The following LPA variants were observed in gnomAD, a reference collection of about 807,000 sequenced individuals.
LPA encodes lipoprotein(a).
A neutral mutation model predicts 197.9 loss-of-function variants in LPA; 199 were observed. That is an observed-to-expected ratio of 1.01 (90% CI 0.90 to 1.13). The LOEUF (loss-of-function observed/expected upper bound fraction) is 1.13. Ranked by LOEUF, LPA falls within the 50% of genes most tolerant of loss-of-function variation. LPA has a pLI of 0.00. For synonymous variants in LPA, 715 were observed against 639.5 expected, an observed-to-expected ratio of 1.12 and a Z score of -1.78; for missense variants, 1,853 against 1,785.8, an observed-to-expected ratio of 1.04 and a Z score of -0.68.
rs546776882 is a variant in LPA at position 160,606,987 on chromosome 6, G to A, written c.2604-329C>T. On this transcript the variant is annotated intron_variant, in intron 16 of 38. Coordinates refer to ENST00000316300, the MANE Select transcript of LPA (RefSeq NM_005577.4). Reference sequence around the variant, plus strand: ...CCAATCCATCTCTCTGGAATAACTGGTATGGATTTTGATGTGTGTATTGTG... The same window carrying A: ...CCAATCCATCTCTCTGGAATAACTGATATGGATTTTGATGTGTGTATTGTG... 1.1e-4 allele frequency among the ~76,000 whole-genome samples: 17 copies of A among 152,136 alleles called. No individual in the cohort carries two copies. In the South Asian group the frequency reaches 1.7e-3, roughly 15 times the overall value.
Position 160,563,887 on chromosome 6 carries a change from G to A in LPA, c.4632-6316C>T, listed in dbSNP as rs367874602. Among the ~76,000 whole-genome samples the A allele has an allele frequency of 2.3e-3, 357 of 152,068 alleles. 1 individual carries two copies. The highest frequency in any genetic ancestry group is 8.0e-3 in the African/African-American group (330 of 41,480). ...TTCATCAAAGACTAAGATTGCAACCGCTGCTTTTTTTTTCTTTCCATTTGC... is the reference window on the plus strand; with the variant it reads ...TTCATCAAAGACTAAGATTGCAACCACTGCTTTTTTTTTCTTTCCATTTGC... On this transcript the variant is annotated intron_variant, in intron 28 of 38. Coordinates refer to ENST00000316300, the MANE Select transcript of LPA (RefSeq NM_005577.4).
chr6:160,655,291 A>G (rs905291786), intron 1 of LPA, among the ~76,000 whole-genome samples: 2 of 152,184 alleles, frequency 1.3e-5, no homozygotes, highest in Non-Finnish European at 1.5e-5. Flanking sequence ...CCAAAATCCT[A>G]GAGGTCTCCA....
At chr6:160,595,865 T>G (rs1779122894) in intron 20 of LPA, among the ~76,000 whole-genome samples, 1 of 152,246 alleles carries the variant, frequency 6.6e-6, no homozygotes, top group Non-Finnish European at 1.5e-5. Flanking sequence ...CTCTGTACAT[T>G]GTACAATGTT....
intron 28 of LPA, among the ~76,000 whole-genome samples, chr6:160,557,907 A>C (rs1015850154): frequency 6.6e-6 from 1 of 152,036 alleles, no homozygotes; most frequent in Non-Finnish European, 1.5e-5. Flanking sequence ...ATAGATTTTG[A>C]AGAGTGCATT....
At chr6:160,585,457 G>T (rs977300429) in intron 25 of LPA, among the ~76,000 whole-genome samples, 5 of 152,134 alleles carry the variant, frequency 3.3e-5, no homozygotes, top group Non-Finnish European at 7.4e-5. Context: ...ACAGATCAGA[G>T]TGCCTATACT....
intron 1 of LPA, among the ~76,000 whole-genome samples, chr6:160,659,075 C>A (rs1780178504): frequency 6.6e-6 from 1 of 152,084 alleles, no homozygotes; most frequent in Non-Finnish European, 1.5e-5. Context: ...GTCCAAGTCC[C>A]ACAGCTGAAG....
At chr6:160,558,194 C>T (rs939166544) in intron 28 of LPA, among the ~76,000 whole-genome samples, 5 of 152,170 alleles carry the variant, frequency 3.3e-5, no homozygotes, top group Non-Finnish European at 7.3e-5. Flanking sequence ...GCTGGGATTA[C>T]AGGTGTGAGC....
At chr6:160,579,661 A>G (rs1344658084) in intron 26 of LPA, among the ~76,000 whole-genome samples, 1 of 152,062 alleles carries the variant, frequency 6.6e-6, no homozygotes, top group African/African-American at 2.4e-5. Context: ...CGTTGCTCCA[A>G]CCTCTCAGAA....
At chr6:160,551,164 G>A (rs1007467308) in intron 30 of LPA, among the ~76,000 whole-genome samples, 2 of 152,204 alleles carry the variant, frequency 1.3e-5, no homozygotes, top group Admixed American at 6.5e-5. Context: ...ACCAGCATAT[G>A]AGAGAGTTTC....
chr6:160,651,920 G>A (rs776530012), intron 1 of LPA, among the ~76,000 whole-genome samples: 7 of 151,420 alleles, frequency 4.6e-5, no homozygotes, highest in African/African-American at 1.2e-4. Flanking sequence ...GCACTGAGGA[G>A]TCAATTAGAC....
intron 19 of LPA, among the ~76,000 whole-genome samples, chr6:160,600,522 G>A (rs987320745): frequency 1.3e-5 from 2 of 152,222 alleles, no homozygotes; most frequent in Admixed American, 6.5e-5. Context: ...CACATTTCTC[G>A]GAATCTGCAA....
Position 160,648,712 on chromosome 6 carries a change from T to C in LPA, c.209+1626A>G, listed in dbSNP as rs529632404. ...CTAACTAGATGGGGAGGCCATCTAG[T>C]AATTTTTTCATTTAAGACATATCTC... On this transcript the variant is annotated intron_variant, in intron 2 of 38. Transcript: ENST00000316300. Among the ~76,000 whole-genome samples the C allele has an allele frequency of 1.8e-3, 267 of 152,322 alleles. 2 individuals are homozygous for C. The highest frequency in any genetic ancestry group is 2.9e-3 in the Non-Finnish European group (198 of 68,036).
At chr6:160,610,122 G>C (rs1407416076) in intron 16 of LPA, among the ~76,000 whole-genome samples, 1 of 151,974 alleles carries the variant, frequency 6.6e-6, no homozygotes, top group African/African-American at 2.4e-5. Context: ...GAGCCTGTTT[G>C]TATTGCCTGA....
In LPA at chr6:160,593,976, G is replaced by C. The variant is rs1440642310; in HGVS notation, c.3611C>G (p.Thr1204Arg). 15 of 1,613,870 alleles carry C rather than the reference G, an allele frequency of 9.3e-6. No homozygotes were observed. Among genetic ancestry groups the C allele is most frequent in the Non-Finnish European group, 1.1e-5 (13 of 1,179,820 alleles). ...GTTGTACCCATTTGGATAATATTCT[G>C]TTGTCCTCTGATGCCAGTGTGGTGT... ...SMTPHWHQRT[T>R]EYYPNGGLTR... Residue 1204 changes from threonine to arginine, a missense_variant, in exon 22 of 39, where the codon ACA becomes AGA. Thr to Arg is a moderately conservative substitution (Grantham distance 71, BLOSUM62 -1). Transcript: ENST00000316300.
intron 30 of LPA, among the ~76,000 whole-genome samples, chr6:160,550,521 A>G (rs1209550166): frequency 6.6e-6 from 1 of 152,122 alleles, no homozygotes; most frequent in Non-Finnish European, 1.5e-5. Flanking sequence ...TTATTGATCT[A>G]TTTTCAACTG....
chr6:160,547,380 C>T (rs1363784699), intron 32 of LPA, among the ~76,000 whole-genome samples: 1 of 152,122 alleles, frequency 6.6e-6, no homozygotes. Context: ...AGAGCTCAGG[C>T]AGCTATGAGA....
At position 160,601,001 on chromosome 6, in the gene LPA, TCAGGTTG is replaced by T; in HGVS notation, c.3036_3042del (p.Cys1012Ter). The T allele has an allele frequency of 1.1e-5, 18 of 1,614,044 alleles. No individual in the cohort carries two copies. The highest frequency in any genetic ancestry group is 1.5e-5 in the Non-Finnish European group (18 of 1,179,972). Reference sequence around the variant, plus strand: ...GTCCATTCTGCATCTGAGCATCGTGTCAGGTTGCAGTACTCCCACCTGACACTGGGAT... The same window carrying T: ...GTCCATTCTGCATCTGAGCATCGTGTCAGTACTCCCACCTGACACTGGGAT... On this transcript the variant is annotated frameshift_variant, in exon 19 of 39. Transcript: ENST00000316300. LOFTEE classifies it high-confidence loss of function.
intron 30 of LPA, among the ~76,000 whole-genome samples, chr6:160,549,968 A>G (rs551950165): frequency 6.6e-6 from 1 of 152,370 alleles, no homozygotes; most frequent in African/African-American, 2.4e-5. Context: ...CACGCCTGTA[A>G]TCCCAGCACT....
intron 28 of LPA, among the ~76,000 whole-genome samples, chr6:160,566,070 G>A (rs1395474522): frequency 5.3e-5 from 8 of 152,218 alleles, no homozygotes. Context: ...GTACCTGAAA[G>A]TGACGAGGAG....
Sources: allele counts gnomAD v4.1 joint callset (sites outside exome capture counted in the v4.1 genomes callset), GRCh38; gene constraint gnomAD v4.1.1; transcripts MANE v1.5; gene names NCBI Gene and HGNC (gene_info 2026-07-23, HGNC 2026-07-21).